Variants in COL6A6 observed in about 807,000 individuals in gnomAD.
COL6A6 encodes the protein collagen alpha-6(VI) chain.
Under a neutral mutation model 208.6 loss-of-function variants are expected in COL6A6, and 183 were observed. The observed-to-expected ratio is 0.88, with a 90% confidence interval of 0.78 to 0.99. COL6A6 has a LOEUF of 0.99. Among genes scored for constraint, COL6A6 ranks in the 50% least tolerant of loss-of-function variants. The pLI is 0.00. For synonymous variants in COL6A6, 973 were observed against 1,011.8 expected, an observed-to-expected ratio of 0.96 and a Z score of 0.73; for missense variants, 2,816 against 2,815.2, an observed-to-expected ratio of 1.00 and a Z score of -0.01.
chr3:130,672,928 G>A (rs984302382), intron 36 of COL6A6, among the ~76,000 whole-genome samples: 7 of 150,120 alleles, frequency 4.7e-5, no homozygotes, highest in Admixed American at 2.7e-4. Context: ...AGAATCACTC[G>A]AAACCCGGGG....
At chr3:130,675,102 GA>G in intron 36 of COL6A6, 99 bp from the exon 37 acceptor site, 1 of 781,018 alleles carries the variant, frequency 1.3e-6, no homozygotes, top group Non-Finnish European at 1.9e-6. Flanking sequence ...CTGCAACAAG[GA>G]AATGGGTGAA....
At chr3:130,587,567 C>A (rs184585385) in intron 11 of COL6A6, among the ~76,000 whole-genome samples, 1 of 152,240 alleles carries the variant, frequency 6.6e-6, no homozygotes, top group African/African-American at 2.4e-5. Flanking sequence ...CAAAAACATA[C>A]GAGAATTCAA....
chr3:130,529,891 C>T (rs1469986102), intron 1 of COL6A6, among the ~76,000 whole-genome samples: 3 of 152,176 alleles, frequency 2.0e-5, no homozygotes, highest in Non-Finnish European at 2.9e-5. Context: ...GAGGATTGCA[C>T]GAACTCAGTC....
chr3:130,546,601 GTCCATTTTACAGAGAGCTAATTGA>G (rs1246363296), intron 1 of COL6A6, among the ~76,000 whole-genome samples: 1 of 152,182 alleles, frequency 6.6e-6, no homozygotes, highest in East Asian at 1.9e-4. Context: ...GAGCTGATTG[GTCCATTTTACAGAGAGCTAATTGA>G]TCCATTTTGA....
chr3:130,568,456 C>A lies in COL6A6; in HGVS notation c.2253C>A (p.Ile751=). ...PAVVLRQEGV[I]IYSVGVFGSN... ...TAGTGCTTCGGCAAGAAGGTGTAAT[C>A]ATCTATTCTGTGGGAGTGTTTGGCT... The change falls in exon 6 of 37, where the codon ATC becomes ATA. Residue 751 remains isoleucine (I), a synonymous_variant. Coordinates refer to ENST00000358511, the MANE Select transcript of COL6A6 (RefSeq NM_001102608.3). The A allele has an allele frequency of 1.2e-6, 2 of 1,613,872 alleles. No individual in the cohort carries two copies. Among genetic ancestry groups the A allele is most frequent in the Non-Finnish European group, 1.7e-6 (2 of 1,179,888 alleles).
intron 24 of COL6A6, among the ~76,000 whole-genome samples, chr3:130,622,738 T>C (rs751234632): frequency 1.3e-5 from 2 of 151,878 alleles, no homozygotes; most frequent in Admixed American, 6.6e-5. Context: ...GCACCTGTAG[T>C]CCCAGCTACT....
Position 130,560,393 on chromosome 3 carries a change from T to C in COL6A6, c.29T>C (p.Ile10Thr), listed in dbSNP as rs376511556. The change falls in exon 2 of 37, where the codon ATA (isoleucine) becomes ACA (threonine). Residue 10 changes from isoleucine to threonine, a missense_variant. Ile to Thr is a moderately conservative substitution (Grantham distance 89, BLOSUM62 -1). Coordinates refer to ENST00000358511, the MANE Select transcript of COL6A6 (RefSeq NM_001102608.3). ...ATGTTGCTAATTTTGTTCCTCGTGA[T>C]AATTTGTTCCCATATTTCTGTGAAC... MMLLILFLV[I>T]ICSHISVNQD... The C allele has an allele frequency of 5.6e-5, 91 of 1,611,964 alleles. No individual in the cohort carries two copies. Among genetic ancestry groups the C allele is most frequent in the Non-Finnish European group, 7.6e-5 (90 of 1,179,296 alleles).
rs2064892277 is a variant in COL6A6, at chr3:130,626,560, ACACTAGTTT to A, written c.4941+14_4941+22del. 1 of 1,599,964 alleles carries A rather than the reference ACACTAGTTT, an allele frequency of 6.3e-7. No homozygotes were observed. Among genetic ancestry groups the A allele is most frequent in the Non-Finnish European group, 8.6e-7 (1 of 1,167,252 alleles). The stretch of plus-strand genomic sequence containing the variant: ...TCGTGGCTTGCAGGTTTGTATTTTG[ACACTAGTTT>A]TGATCGGATTCTTGGAATCTTTTAG... On this transcript the variant is annotated intron_variant, in intron 25 of 36. Transcript: ENST00000358511.
At chr3:130,660,688 G>T (rs1367964535) in intron 34 of COL6A6, among the ~76,000 whole-genome samples, 1 of 152,190 alleles carries the variant, frequency 6.6e-6, no homozygotes, top group Non-Finnish European at 1.5e-5. Flanking sequence ...TGGTGACTTG[G>T]CTAGGGGCAC....
intron 10 of COL6A6, among the ~76,000 whole-genome samples, 159 bp downstream of exon 10, chr3:130,582,227 G>T (rs1245910096): frequency 6.6e-6 from 1 of 152,132 alleles, no homozygotes; most frequent in Non-Finnish European, 1.5e-5. Context: ...TGAGCTCTCA[G>T]AATATTTTGA....
chr3:130,540,253 C>G (rs2062329442), intron 1 of COL6A6, among the ~76,000 whole-genome samples: 1 of 152,210 alleles, frequency 6.6e-6, no homozygotes, highest in Non-Finnish European at 1.5e-5. Context: ...CATATATCCT[C>G]TATCACACAT....
In COL6A6 at chr3:130,581,911, T is replaced by A. The variant is rs774326575; in HGVS notation, c.3891+7T>A. On this transcript the variant is annotated splice_region_variant and intron_variant, in intron 9 of 36. Transcript: ENST00000358511. ...ATCAGCTGCTCGAGGAAAGGTAACA[T>A]GGATTTATCTTATTTGTTGGTCTAT... 14 of 1,599,106 alleles carry A rather than the reference T, an allele frequency of 8.8e-6. No individual in the cohort carries two copies. The highest frequency in any genetic ancestry group is 1.2e-5 in the Non-Finnish European group (14 of 1,170,014).
chr3:130,643,069 A>G, intron 31 of COL6A6, 46 bp downstream of exon 31: 1 of 1,599,190 alleles, frequency 6.3e-7, no homozygotes, highest in Non-Finnish European at 8.6e-7. Flanking sequence ...CAGCATTCAT[A>G]CAAGAAAAGC....
Position 130,593,103 on chromosome 3 carries a change from C to A in COL6A6, c.4414C>A (p.Gln1472Lys). The change falls in exon 16 of 37, where the codon CAG becomes AAG. Residue 1472 changes from glutamine (Q) to lysine (K), a missense_variant and splice_region_variant. Gln to Lys is a moderately conservative substitution (Grantham distance 53). Transcript: ENST00000358511. ...ENGIDGLNGEQGDNGLPGRKG... is the reference protein window; with the variant it reads ...ENGIDGLNGEKGDNGLPGRKG... Reference sequence around the variant, plus strand: ...TGGAATTGACGGATTAAACGGAGAACAGGTAGAGCCTTCTTGTACCATAGA... The same window carrying A: ...TGGAATTGACGGATTAAACGGAGAAAAGGTAGAGCCTTCTTGTACCATAGA... 3 of 1,613,532 alleles carry A rather than the reference C, an allele frequency of 1.9e-6. No homozygotes were observed. The highest frequency in any genetic ancestry group is 1.7e-5 in the Admixed American group (1 of 60,028).
chr3:130,596,025 T>TTTTTG (rs1414703892), intron 18 of COL6A6, among the ~76,000 whole-genome samples: 6 of 152,184 alleles, frequency 3.9e-5, no homozygotes. Flanking sequence ...CTCATGAGGA[T>TTTTTG]TTTTGTTTTC....
chr3:130,564,433 T>C (rs553836678), intron 3 of COL6A6, among the ~76,000 whole-genome samples: 76 of 152,272 alleles, frequency 5.0e-4, no homozygotes, highest in Non-Finnish European at 8.2e-4. Flanking sequence ...AAATATGTTA[T>C]ATAGGAAACT....
At chr3:130,592,506 A>G (rs373762329) in intron 13 of COL6A6, 35 bp from the exon 14 acceptor site, 1 of 1,508,536 alleles carries the variant, frequency 6.6e-7, no homozygotes, top group African/African-American at 1.4e-5. Flanking sequence ...AGATTACAAT[A>G]GAAAAAGCTC....
chr3:130,533,063 C>T (rs1043638363), intron 1 of COL6A6, among the ~76,000 whole-genome samples: 2 of 152,100 alleles, frequency 1.3e-5, no homozygotes, highest in Admixed American at 6.5e-5. Flanking sequence ...CTGAGTCCAT[C>T]ACTTCTGCCA....
chr3:130,591,523 A>G (rs2108074093), intron 13 of COL6A6, among the ~76,000 whole-genome samples: 1 of 152,300 alleles, frequency 6.6e-6, no homozygotes. Flanking sequence ...ACCATTTCCT[A>G]CATTATTTTA....
Sources: gnomAD v4.1 joint callset for allele counts (sites outside exome capture counted in the v4.1 genomes callset) on GRCh38, gnomAD v4.1.1 for gene constraint, MANE v1.5 for transcripts, NCBI Gene and HGNC (gene_info 2026-07-23, HGNC 2026-07-21) for gene names.